Variants in DEDD observed in about 807,000 individuals in gnomAD.
DEDD encodes the protein death effector domain-containing protein.
DEDD carries 3 observed loss-of-function variants against 29.2 expected under a neutral mutation model. The ratio of observed to expected loss-of-function variants is 0.10; its 90% CI spans 0.05 to 0.27. The LOEUF is 0.27. Ranked by LOEUF, DEDD falls within the 10% of genes least tolerant of loss-of-function variation. The pLI is 1.00. For synonymous variants in DEDD, 152 were observed against 161.3 expected, an observed-to-expected ratio of 0.94 and a Z score of 0.44; for missense variants, 261 against 420.5, an observed-to-expected ratio of 0.62 and a Z score of 3.32.
chr1:161,130,247 G>A (rs541514358), intron 2 of DEDD, among the ~76,000 whole-genome samples: 1 of 152,314 alleles, frequency 6.6e-6, no homozygotes, highest in East Asian at 1.9e-4. Context: ...GAAAAGTCAT[G>A]CAGAAGAACT....
In DEDD at chr1:161,132,554, C is replaced by T. The variant is rs543896365; in HGVS notation, c.-101G>A. ...TCCGGCCGCCCCTCCGCCTCACTCT[C>T]GGCTCAGGCTCGGCGCCGCCATGTT... On this transcript the variant is annotated 5_prime_UTR_variant, in exon 1 of 6. Transcript: ENST00000368006. The T allele has an allele frequency of 6.5e-6, 1 of 154,442 alleles. No individual in the cohort carries two copies. The highest frequency in any genetic ancestry group is 1.5e-5 in the Non-Finnish European group (1 of 68,922). 9.6% of individuals were successfully genotyped at this position (154,442 alleles called of 1,614,324 possible). A position where few individuals can be genotyped will look rare whatever the true frequency, so the allele number is the denominator to read the frequency against.
rs1193744581 is a variant in DEDD, at chr1:161,122,867, TGTAGTA to T, written c.580+202_580+207del. The stretch of plus-strand genomic sequence containing the variant: ...GGATGTCATAACAACATCCCTGTGA[TGTAGTA>T]TTAACTAACAAGAGTTGAAATGTAC... On this transcript the variant is annotated intron_variant, in intron 5 of 5. Coordinates refer to ENST00000368006, the MANE Select transcript of DEDD (RefSeq NM_032998.3). This position sits in a 1 kb window ranked among gnomAD's most constrained non-coding sequence, Gnocchi z 4.2. 8 of 892,602 alleles carry T rather than the reference TGTAGTA, an allele frequency of 9.0e-6. No homozygotes were observed. In the African/African-American group the frequency reaches 1.2e-4, roughly 13 times the overall value. 55.3% of individuals were successfully genotyped at this position (892,602 alleles called of 1,614,324 possible).
chr1:161,128,558 G>A (rs935349418), intron 2 of DEDD, among the ~76,000 whole-genome samples: 1 of 152,056 alleles, frequency 6.6e-6, no homozygotes, highest in Non-Finnish European at 1.5e-5. Context: ...ATGTGATAGC[G>A]CCACTGCAGT....
intron 2 of DEDD, among the ~76,000 whole-genome samples, chr1:161,126,166 C>G (rs1656152417): frequency 6.6e-6 from 1 of 152,076 alleles, no homozygotes; most frequent in Non-Finnish European, 1.5e-5. Context: ...ACAATAATCT[C>G]TCACCTGGAC....
At chr1:161,126,600 C>T (rs954219629) in intron 2 of DEDD, among the ~76,000 whole-genome samples, 7 of 151,758 alleles carry the variant, frequency 4.6e-5, no homozygotes, top group African/African-American at 1.5e-4. Context: ...CCTCGGCCTC[C>T]GAAAGTGCTG....
chr1:161,126,963 C>T (rs1571233646), intron 2 of DEDD, among the ~76,000 whole-genome samples: 1 of 152,114 alleles, frequency 6.6e-6, no homozygotes, highest in Non-Finnish European at 1.5e-5. Flanking sequence ...CTCTTCTGTG[C>T]GCTTATGGAA....
rs150690350 is a variant in DEDD at position 161,122,422 on chromosome 1, G to A, written c.682C>T (p.Arg228Cys). The change falls in exon 6 of 6, where the codon CGC becomes TGC. Residue 228 changes from arginine to cysteine, a missense_variant. Around this residue, in one of 2 missense-constraint regions of DEDD, gnomAD observed 58 missense variants for 151.8 expected, o/e 0.38. Transcript: ENST00000368006. This position sits in a 1 kb window ranked among gnomAD's most constrained non-coding sequence, Gnocchi z 4.2. ...KQDPLERQFE[R>C]FNQANTILKS... Reference sequence around the variant, plus strand: ...AGGATGGTGTTGGCCTGGTTAAAGCGCTCAAACTGGCGCTCAAGTGGGTCC... The same window carrying A: ...AGGATGGTGTTGGCCTGGTTAAAGCACTCAAACTGGCGCTCAAGTGGGTCC... 5.6e-6 allele frequency: 9 copies of A among 1,614,064 alleles called. No homozygotes were observed. Among genetic ancestry groups the A allele is most frequent in the African/African-American group, 2.7e-5 (2 of 74,918 alleles).
rs750567656 is a variant in DEDD at position 161,123,960 on chromosome 1, A to C, written c.326-14T>G. On this transcript the variant is annotated splice_polypyrimidine_tract_variant and intron_variant, in intron 3 of 5. Transcript: ENST00000368006. ...GATCAGGGCACACTGTAGGAGGAGAAGTAATCATTCAGGAAAATATACACC... is the reference window on the plus strand; with the variant it reads ...GATCAGGGCACACTGTAGGAGGAGACGTAATCATTCAGGAAAATATACACC... 80 of 1,612,364 alleles carry C rather than the reference A, an allele frequency of 5.0e-5. No individual in the cohort carries two copies. The highest frequency in any genetic ancestry group is 6.6e-5 in the Non-Finnish European group (78 of 1,179,252).
chr1:161,123,777 G>A (rs917546503), intron 4 of DEDD, 62 bp downstream of exon 4: 1 of 1,419,724 alleles, frequency 7.0e-7, no homozygotes, highest in South Asian at 1.2e-5. Flanking sequence ...AGCCCAGAAT[G>A]TGATGGGATC....
At chr1:161,129,045 C>A (rs1289065481) in intron 2 of DEDD, among the ~76,000 whole-genome samples, 5 of 152,150 alleles carry the variant, frequency 3.3e-5, no homozygotes, top group African/African-American at 9.7e-5. Flanking sequence ...AAGACAGACA[C>A]AAAGGATCCT....
chr1:161,129,895 C>G (rs1656528329), intron 2 of DEDD, among the ~76,000 whole-genome samples: 1 of 152,158 alleles, frequency 6.6e-6, no homozygotes, highest in African/African-American at 2.4e-5. Context: ...ATAATTGATT[C>G]TGAGGAATTG....
intron 4 of DEDD, among the ~76,000 whole-genome samples, chr1:161,123,572 CTTGCAGTGAACCGAGA>C (rs1655792844): frequency 6.7e-6 from 1 of 149,078 alleles, no homozygotes; most frequent in South Asian, 2.1e-4. Flanking sequence ...GGAAGTGGGG[CTTGCAGTGAACCGAGA>C]TTGCGCCACT....
chr1:161,124,692 G>GTGTGAGCCCCTGT, intron 2 of DEDD, 166 bp from the exon 3 acceptor site: 3 of 914,804 alleles, frequency 3.3e-6, no homozygotes, highest in Non-Finnish European at 4.5e-6. Flanking sequence ...CCAGGCACAG[G>GTGTGAGCCCCTGT]GGCTCACACC....
At chr1:161,129,887 A>G (rs1269229702) in intron 2 of DEDD, among the ~76,000 whole-genome samples, 1 of 152,198 alleles carries the variant, frequency 6.6e-6, no homozygotes, top group Non-Finnish European at 1.5e-5. Context: ...TCCCAAGAAT[A>G]ATTGATTCTG....
chr1:161,122,441 T>C lies in DEDD; in HGVS notation c.663A>G (p.Pro221=), dbSNP rs2101735081. The change falls in exon 6 of 6, where the codon CCA becomes CCG. Residue 221 remains proline (P), a synonymous_variant. Coordinates refer to ENST00000368006, the MANE Select transcript of DEDD (RefSeq NM_032998.3). The surrounding 1 kb of genome is among the most constrained non-coding windows in gnomAD (Gnocchi z 4.2). ...TAAAGCGCTCAAACTGGCGCTCAAG[T>C]GGGTCCTGCTTGTTAGAGAAGACAT... ...QGNVFSNKQD[P]LERQFERFNQ... The C allele has an allele frequency of 1.2e-6, 2 of 1,614,166 alleles. No individual in the cohort carries two copies. Among genetic ancestry groups the C allele is most frequent in the African/African-American group, 1.3e-5 (1 of 75,032 alleles).
intron 2 of DEDD, among the ~76,000 whole-genome samples, chr1:161,125,798 G>A (rs1656105208): frequency 6.6e-6 from 1 of 152,110 alleles, no homozygotes; most frequent in Non-Finnish European, 1.5e-5. Flanking sequence ...CACCGTACCT[G>A]GCCTTGGCAA....
At chr1:161,130,534 A>T (rs1026694475) in intron 2 of DEDD, among the ~76,000 whole-genome samples, 4 of 141,270 alleles carry the variant, frequency 2.8e-5, no homozygotes, top group African/African-American at 7.8e-5. Context: ...TCCATATGTT[A>T]AAAAAAAAAA....
rs766997282 is a variant in DEDD at position 161,123,137 on chromosome 1, A to C, written c.518T>G (p.Leu173Arg). The change falls in exon 5 of 6, where the codon CTT becomes CGT. Residue 173 changes from leucine (L) to arginine (R), a missense_variant. This residue lies in a region of DEDD where 203 missense variants were observed against 268.7 expected (regional missense o/e 0.76). Transcript: ENST00000368006. Reference sequence around the variant, plus strand: ...CTTCCGGCGTTTTCGCTGGCTCCCAAGTGTGGCTCTCCCTCGGGCTGGCCG... The same window carrying C: ...CTTCCGGCGTTTTCGCTGGCTCCCACGTGTGGCTCTCCCTCGGGCTGGCCG... Reference protein sequence around the residue: ...SKRPARGRATLGSQRKRRKSV... With the variant: ...SKRPARGRATRGSQRKRRKSV... 1 of 1,614,152 alleles carries C rather than the reference A, an allele frequency of 6.2e-7. No individual in the cohort carries two copies. Among genetic ancestry groups the C allele is most frequent in the Non-Finnish European group, 8.5e-7 (1 of 1,180,018 alleles).
Position 161,127,538 on chromosome 1 carries a change from A to G in DEDD, c.-64-3012T>C, listed in dbSNP as rs572944756. ...ATTCCCTTAAGAAAAGGGGAGGTAC[A>G]CTCTGGGATCACTTAACCCTATACC... On this transcript the variant is annotated intron_variant, in intron 2 of 5. Transcript: ENST00000368006. 2.6e-5 allele frequency among the ~76,000 whole-genome samples: 4 copies of G among 152,220 alleles called. No homozygotes were observed. The South Asian group carries it at 8.3e-4, about 31-fold the overall frequency.
Sources: allele counts gnomAD v4.1 joint callset (sites outside exome capture counted in the v4.1 genomes callset), GRCh38; gene constraint gnomAD v4.1.1; regional missense constraint gnomAD v4.1.1; non-coding constraint Gnocchi (gnomAD v3.1); transcripts MANE v1.5; gene names NCBI Gene and HGNC (gene_info 2026-07-23, HGNC 2026-07-21).